The following PWWP2B variants were observed in gnomAD, a reference collection of about 807,000 sequenced individuals.
PWWP2B encodes the protein PWWP domain-containing protein 2B.
A neutral mutation model predicts 15.5 loss-of-function variants in PWWP2B; 9 were observed. The ratio of observed to expected loss-of-function variants is 0.58; its 90% CI spans 0.35 to 1.02. The LOEUF is 1.02. Ranked by LOEUF, PWWP2B falls within the 50% of genes least tolerant of loss-of-function variation. The probability of loss-of-function intolerance (pLI) is 0.02; values close to 1 mark genes in which losing one functional copy is unlikely to be tolerated. For missense variants in PWWP2B, 864 were observed against 865.3 expected, an observed-to-expected ratio of 1.00 and a Z score of 0.02; for synonymous variants, 474 against 403.6, an observed-to-expected ratio of 1.17 and a Z score of -2.09.
Position 132,405,136 on chromosome 10 carries a change from C to T in PWWP2B, c.636C>T (p.Leu212=), listed in dbSNP as rs1455112428. ...TGGGCAGCGGCCCGGACAGGGAGCT[C>T]CGCAAGCCGGAGGAGCCGGAGAACG... ...RRLGSGPDRE[L]RKPEEPENGE... is the part of the protein sequence containing the mutation. Residue 212 remains leucine (L), a synonymous_variant, in exon 2 of 3, where the codon CTC becomes CTT. Coordinates refer to ENST00000305233, the MANE Select transcript of PWWP2B (RefSeq NM_138499.4). 1.0e-5 allele frequency: 16 copies of T among 1,544,248 alleles called. No homozygotes were observed. The highest frequency in any genetic ancestry group is 7.9e-5 in the Admixed American group (4 of 50,890).
intron 2 of PWWP2B, among the ~76,000 whole-genome samples, chr10:132,416,190 C>T (rs2069853250): frequency 6.6e-6 from 1 of 152,162 alleles, no homozygotes; most frequent in Non-Finnish European, 1.5e-5. Context: ...GGGGCAGGTC[C>T]CTCCTGCCCT....
At chr10:132,402,470 C>T (rs936212123) in intron 1 of PWWP2B, among the ~76,000 whole-genome samples, 1 of 152,258 alleles carries the variant, frequency 6.6e-6, no homozygotes, top group Non-Finnish European at 1.5e-5. Flanking sequence ...GGGCCGTAAG[C>T]ATGCTGGCCC....
Position 132,405,101 on chromosome 10 carries a change from C to A in PWWP2B, c.601C>A (p.Arg201Ser). The A allele has an allele frequency of 6.5e-7, 1 of 1,537,512 alleles. No homozygotes were observed. The highest frequency in any genetic ancestry group is 8.8e-7 in the Non-Finnish European group (1 of 1,141,936). Residue 201 changes from arginine (R) to serine (S), a missense_variant, in exon 2 of 3, where the codon CGC becomes AGC. By Grantham distance (110) the Arg-to-Ser change is moderately radical (BLOSUM62 -1). Coordinates refer to ENST00000305233, the MANE Select transcript of PWWP2B (RefSeq NM_138499.4). ...CGGACCCCCAGCCGCGCCCAGGGCCCGCAGGAGGCTGGGCAGCGGCCCGGA... is the reference window on the plus strand; with the variant it reads ...CGGACCCCCAGCCGCGCCCAGGGCCAGCAGGAGGCTGGGCAGCGGCCCGGA... The part of the protein sequence containing the change: ...SPGPPAAPRA[R>S]RRLGSGPDRE...
chr10:132,410,216 C>A (rs1037122410), intron 2 of PWWP2B, among the ~76,000 whole-genome samples: 1 of 151,934 alleles, frequency 6.6e-6, no homozygotes, highest in African/African-American at 2.4e-5. Flanking sequence ...GTCTGTGCCC[C>A]GCATCCTCAG....
chr10:132,406,137 C>T lies in PWWP2B; in HGVS notation c.1637C>T (p.Pro546Leu). The change falls in exon 2 of 3, where the codon CCT (proline) becomes CTT (leucine). Residue 546 changes from proline (P) to leucine (L), a missense_variant. Physicochemically the swap from Pro to Leu is moderately conservative, Grantham distance 98. This residue lies in a region of PWWP2B where 128 missense variants were observed against 177.6 expected (regional missense o/e 0.72). Transcript: ENST00000305233. ...TSFLSISKLS[P>L]FSEFFKLRFN... is the part of the protein sequence containing the mutation. ...TTCTTGTCTATTTCAAAACTCTCCC[C>T]TTTCTCTGAATTTTTCAAACTGAGA... The T allele has an allele frequency of 6.2e-7, 1 of 1,613,728 alleles. No individual in the cohort carries two copies. Among genetic ancestry groups the T allele is most frequent in the Non-Finnish European group, 8.5e-7 (1 of 1,180,016 alleles).
chr10:132,411,010 G>A (rs1001790967), intron 2 of PWWP2B, among the ~76,000 whole-genome samples: 1 of 152,196 alleles, frequency 6.6e-6, no homozygotes. Flanking sequence ...GCCACTGGAC[G>A]GTCAGTGTTC....
chr10:132,411,490 G>A (rs948048751), intron 2 of PWWP2B, among the ~76,000 whole-genome samples: 1 of 152,244 alleles, frequency 6.6e-6, no homozygotes, highest in Non-Finnish European at 1.5e-5. Context: ...CCTCATGTCC[G>A]ACAGAAGGGA....
chr10:132,402,656 C>T (rs555451540), intron 1 of PWWP2B, among the ~76,000 whole-genome samples: 9 of 152,182 alleles, frequency 5.9e-5, no homozygotes, highest in South Asian at 2.1e-4. Context: ...GATTTGGGTA[C>T]GGAGGCCAGT....
In PWWP2B at chr10:132,405,424, G is replaced by A. The variant is rs375471038; in HGVS notation, c.924G>A (p.Ala308=). The change falls in exon 2 of 3, where the codon GCG becomes GCA. Residue 308 remains alanine, a synonymous_variant. Transcript: ENST00000305233. ...AGTCCCGGGACCGGCCGTCCTGCGCGCCCTCGGCCTCCATCCCCAAGTTGA... is the reference window on the plus strand; with the variant it reads ...AGTCCCGGGACCGGCCGTCCTGCGCACCCTCGGCCTCCATCCCCAAGTTGA... ...DRESRDRPSC[A]PSASIPKLKL... 2.9e-5 allele frequency: 46 copies of A among 1,610,200 alleles called. No homozygotes were observed. Among genetic ancestry groups the A allele is most frequent in the African/African-American group, 1.9e-4 (14 of 74,916 alleles).
rs150117190 is a variant in PWWP2B at position 132,413,384 on chromosome 10, C to T, written c.*17-3677C>T. 6.8e-3 allele frequency among the ~76,000 whole-genome samples: 1,042 copies of T among 152,294 alleles called. 5 individuals carry two copies. Among genetic ancestry groups the T allele is most frequent in the Middle Eastern group, 0.031 (9 of 294 alleles). Reference sequence around the variant, plus strand: ...CTAGCACCTCCCACCAAGGAGGGTGCCCGCGGGCGTCCCGGTGGGTGGTGG... The same window carrying T: ...CTAGCACCTCCCACCAAGGAGGGTGTCCGCGGGCGTCCCGGTGGGTGGTGG... On this transcript the variant is annotated intron_variant, in intron 2 of 2. Transcript: ENST00000305233.
chr10:132,400,697 C>T (rs931323671), intron 1 of PWWP2B, among the ~76,000 whole-genome samples: 8 of 152,244 alleles, frequency 5.3e-5, no homozygotes, highest in African/African-American at 9.6e-5. Flanking sequence ...AGACTGCAGA[C>T]GCTTTCTAGA....
Position 132,397,289 on chromosome 10 carries a change from G to A in PWWP2B, c.63G>A (p.Leu21=). ...VRVEQVVNGA[L]VVTVSCGERS... ...TGGAGCAGGTCGTCAACGGCGCGCT[G>A]GTGGTCACGGTGAGCTGCGGCGAGC... The change falls in exon 1 of 3, where the codon CTG becomes CTA. Residue 21 remains leucine, a synonymous_variant. Coordinates refer to ENST00000305233, the MANE Select transcript of PWWP2B (RefSeq NM_138499.4). 1 of 1,423,728 alleles carries A rather than the reference G, an allele frequency of 7.0e-7. No homozygotes were observed. The allele number at this position is 1,423,728 out of a possible 1,614,324, so 88.2% of individuals were successfully genotyped here.
At chr10:132,398,330 A>G (rs902107276) in intron 1 of PWWP2B, among the ~76,000 whole-genome samples, 7 of 152,186 alleles carry the variant, frequency 4.6e-5, no homozygotes, top group Non-Finnish European at 1.0e-4. Context: ...GATTTAACAT[A>G]TGGCTCCCGT....
chr10:132,399,712 G>A (rs1236148464), intron 1 of PWWP2B, among the ~76,000 whole-genome samples: 1 of 152,262 alleles, frequency 6.6e-6, no homozygotes, highest in Non-Finnish European at 1.5e-5. Flanking sequence ...ATGTGGTGGT[G>A]GTTCCTTCCA....
rs149647663 is a variant in PWWP2B at position 132,403,862 on chromosome 10, G to GGTGGGCAGGGAGGACCTTCCAGGTTGT, written c.126-756_126-755insGGAGGACCTTCCAGGTTGTGTGGGCAG. Among the ~76,000 whole-genome samples the GGTGGGCAGGGAGGACCTTCCAGGTTGT allele has an allele frequency of 1.8e-3, 269 of 152,190 alleles. 1 individual carries two copies. The highest frequency in any genetic ancestry group is 0.01 in the Middle Eastern group (3 of 294). ...AGCAGGGCAGGACCTGAGGGTGCCA[G>GGTGGGCAGGGAGGACCTTCCAGGTTGT]GTGGGCAGATGGGGATGAGGGCTCT... On this transcript the variant is annotated intron_variant, in intron 1 of 2. Coordinates refer to ENST00000305233, the MANE Select transcript of PWWP2B (RefSeq NM_138499.4).
intron 2 of PWWP2B, among the ~76,000 whole-genome samples, chr10:132,411,692 G>A (rs2069783584): frequency 6.6e-6 from 1 of 152,244 alleles, no homozygotes; most frequent in African/African-American, 2.4e-5. Context: ...GCCCGGCACT[G>A]GAGTGCTGAG....
chr10:132,404,786 A>ACCCCCCCCCCCCCCCCCC lies in PWWP2B; in HGVS notation c.288_289insCCCCCCCCCCCCCCCCCC (p.Thr96_Thr97insProProProProProPro). The ACCCCCCCCCCCCCCCCCC allele has an allele frequency of 1.4e-6, 2 of 1,460,272 alleles. No homozygotes were observed. The highest frequency in any genetic ancestry group is 1.9e-6 in the Non-Finnish European group (2 of 1,076,454). The allele number at this position is 1,460,272 out of a possible 1,614,324, so 90.5% of individuals were successfully genotyped here. A position where few individuals can be genotyped will look rare whatever the true frequency, so the allele number is the denominator to read the frequency against. Reference sequence around the variant, plus strand: ...TGCCCGCGGGGTTCAGCCCCCCGAGACCACCCGCCCCGAGCCACCCCCGCC... The same window carrying ACCCCCCCCCCCCCCCCCC: ...TGCCCGCGGGGTTCAGCCCCCCGAGACCCCCCCCCCCCCCCCCCCCACCCGCCCCGAGCCACCCCCGCC... On this transcript the variant is annotated inframe_insertion, in exon 2 of 3. Transcript: ENST00000305233.
rs775199967 is a variant in PWWP2B at position 132,406,255 on chromosome 10, A to G, written c.1755A>G (p.Leu585=). 1.2e-6 allele frequency: 2 copies of G among 1,609,304 alleles called. No homozygotes were observed. Among genetic ancestry groups the G allele is most frequent in the Non-Finnish European group, 1.7e-6 (2 of 1,177,154 alleles). ...RHVAPEIREL[L]TQFET is the part of the protein sequence containing the mutation. ...TGGCCCCGGAAATCAGGGAGCTCTTAACCCAGTTTGAAACGTAACTGGTTC... is the reference window on the plus strand; with the variant it reads ...TGGCCCCGGAAATCAGGGAGCTCTTGACCCAGTTTGAAACGTAACTGGTTC... Residue 585 remains leucine, a synonymous_variant, in exon 2 of 3, where the codon TTA becomes TTG. Coordinates refer to ENST00000305233, the MANE Select transcript of PWWP2B (RefSeq NM_138499.4).
At chr10:132,408,392 C>A (rs1366127627) in intron 2 of PWWP2B, among the ~76,000 whole-genome samples, 1 of 152,228 alleles carries the variant, frequency 6.6e-6, no homozygotes, top group East Asian at 1.9e-4. Flanking sequence ...TGCGGGGGTA[C>A]CTGCCTTTCC....
Sources: gnomAD v4.1 joint callset for allele counts (sites outside exome capture counted in the v4.1 genomes callset) on GRCh38, gnomAD v4.1.1 for gene constraint, gnomAD v4.1.1 regional missense constraint, MANE v1.5 for transcripts, NCBI Gene and HGNC (gene_info 2026-07-23, HGNC 2026-07-21) for gene names.